CDK6: variants seen among roughly 807,000 people sequenced by gnomAD.
CDK6 encodes cyclin dependent kinase 6, also known as cyclin-dependent kinase 6.
CDK6 carries 6 observed loss-of-function variants against 37.1 expected under a neutral mutation model. The observed-to-expected ratio is 0.16, with a 90% CI of 0.09 to 0.32. CDK6 has a LOEUF of 0.32. Ranked by LOEUF, CDK6 falls within the 10% of genes least tolerant of loss-of-function variation. The pLI, the probability that CDK6 is intolerant of heterozygous loss-of-function variation, is 1.00. For missense variants in CDK6, 224 were observed against 418.9 expected (o/e 0.53, Z 4.06); for synonymous variants, 160 against 161.3 (o/e 0.99, Z 0.06).
intron 4 of CDK6, among the ~76,000 whole-genome samples, chr7:92,720,961 A>G (rs893638187): frequency 1.3e-5 from 2 of 152,230 alleles, no homozygotes; most frequent in Non-Finnish European, 2.9e-5. Context: ...TACAATGGAA[A>G]GAACTTCCCT....
chr7:92,658,936 C>T (rs1024619573), intron 5 of CDK6, among the ~76,000 whole-genome samples: 1 of 152,078 alleles, frequency 6.6e-6, no homozygotes, highest in Admixed American at 6.6e-5. Context: ...CCACTAGTGT[C>T]GATAAACACT....
At chr7:92,750,040 G>A (rs1414929371) in intron 3 of CDK6, among the ~76,000 whole-genome samples, 3 of 152,158 alleles carry the variant, frequency 2.0e-5, no homozygotes, top group Non-Finnish European at 4.4e-5. Context: ...TGAGGGCAAA[G>A]TTCAAACTAA....
At chr7:92,804,104 A>C (rs1800660887) in intron 2 of CDK6, among the ~76,000 whole-genome samples, 1 of 152,202 alleles carries the variant, frequency 6.6e-6, no homozygotes, top group Non-Finnish European at 1.5e-5. Context: ...AACCATATAC[A>C]TTAGGACAAT....
chr7:92,715,402 T>G (rs1798206569), intron 4 of CDK6, among the ~76,000 whole-genome samples: 1 of 152,168 alleles, frequency 6.6e-6, no homozygotes, highest in African/African-American at 2.4e-5. Flanking sequence ...TAAAGTAAAT[T>G]CTCCTACGCT....
chr7:92,778,753 AAC>A (rs1554412728), intron 2 of CDK6, among the ~76,000 whole-genome samples: 1 of 151,942 alleles, frequency 6.6e-6, no homozygotes, highest in Non-Finnish European at 1.5e-5. Flanking sequence ...GTCAAATACA[AAC>A]ACAGAGCTGT....
At chr7:92,829,730 T>C (rs1315297911) in intron 2 of CDK6, among the ~76,000 whole-genome samples, 1 of 152,240 alleles carries the variant, frequency 6.6e-6, no homozygotes, top group Non-Finnish European at 1.5e-5. Flanking sequence ...ATTAGCCTTT[T>C]GGTTATGTTG....
chr7:92,754,527 C>G (rs1381968441), intron 3 of CDK6, among the ~76,000 whole-genome samples: 1 of 152,194 alleles, frequency 6.6e-6, no homozygotes, highest in African/African-American at 2.4e-5. Context: ...AACATAATTT[C>G]ACACAGGACC....
intron 4 of CDK6, among the ~76,000 whole-genome samples, chr7:92,672,242 C>CACACACACACATAT (rs1374477819): frequency 8.6e-6 from 1 of 116,554 alleles, no homozygotes. Context: ...CACACACACA[C>CACACACACACATAT]ATATATGAAG....
chr7:92,745,806 T>G (rs1375972878), intron 3 of CDK6, among the ~76,000 whole-genome samples: 2 of 152,202 alleles, frequency 1.3e-5, no homozygotes, highest in African/African-American at 4.8e-5. Flanking sequence ...ACTATATTTA[T>G]CAATCCAGCC....
chr7:92,815,143 G>A (rs570335317), intron 2 of CDK6, among the ~76,000 whole-genome samples: 1 of 152,192 alleles, frequency 6.6e-6, no homozygotes, highest in Admixed American at 6.5e-5. Context: ...CTGTATATAG[G>A]GTAACTGCAC....
intron 3 of CDK6, among the ~76,000 whole-genome samples, chr7:92,761,965 A>G (rs1799466521): frequency 6.6e-6 from 1 of 152,266 alleles, no homozygotes; most frequent in Admixed American, 6.5e-5. Flanking sequence ...CTGTTAGTAT[A>G]GTGGCAACAT....
intron 2 of CDK6, among the ~76,000 whole-genome samples, chr7:92,786,613 CTG>C (rs557928459): frequency 1.7e-4 from 24 of 143,570 alleles, no homozygotes; most frequent in African/African-American, 1.6e-4. Context: ...TAATCTGGCT[CTG>C]TGTGTGTGTG....
At chr7:92,791,034 G>A (rs887289850) in intron 2 of CDK6, among the ~76,000 whole-genome samples, 1 of 152,152 alleles carries the variant, frequency 6.6e-6, no homozygotes, top group Non-Finnish European at 1.5e-5. Flanking sequence ...CCACCTGTAA[G>A]GAGACTGTTG....
intron 5 of CDK6, among the ~76,000 whole-genome samples, chr7:92,641,720 T>G (rs1208001481): frequency 6.6e-6 from 1 of 152,202 alleles, no homozygotes; most frequent in African/African-American, 2.4e-5. Flanking sequence ...TCAGGAATAT[T>G]AGAACAAATG....
chr7:92,639,277 A>G (rs1313383023), intron 5 of CDK6, among the ~76,000 whole-genome samples: 1 of 152,232 alleles, frequency 6.6e-6, no homozygotes, highest in East Asian at 1.9e-4. Context: ...AATGAACAAT[A>G]GCGACATTAT....
chr7:92,708,354 C>G, intron 4 of CDK6, among the ~76,000 whole-genome samples: 1 of 152,136 alleles, frequency 6.6e-6, no homozygotes. Flanking sequence ...ATTTGGTGAG[C>G]ATAATCTATG....
intron 2 of CDK6, among the ~76,000 whole-genome samples, chr7:92,802,982 G>C (rs900707054): frequency 2.6e-5 from 4 of 152,016 alleles, no homozygotes; most frequent in African/African-American, 7.3e-5. Flanking sequence ...TACTATAGAG[G>C]GCCAATTCGT....
chr7:92,674,693 T>G (rs1284401208), intron 4 of CDK6, among the ~76,000 whole-genome samples: 1 of 152,206 alleles, frequency 6.6e-6, no homozygotes, highest in Non-Finnish European at 1.5e-5. Flanking sequence ...TCCACTTGAG[T>G]GGTTGACAGA....
intron 2 of CDK6, among the ~76,000 whole-genome samples, chr7:92,796,269 G>A (rs1800409305): frequency 6.6e-6 from 1 of 151,622 alleles, no homozygotes; most frequent in Non-Finnish European, 1.5e-5. Flanking sequence ...TTCTTGGTTT[G>A]CATTTCTTTG....
Sources: allele counts gnomAD v4.1 joint callset (sites outside exome capture counted in the v4.1 genomes callset), GRCh38; gene constraint gnomAD v4.1.1; transcripts MANE v1.5; gene names NCBI Gene and HGNC (gene_info 2026-07-23, HGNC 2026-07-21).